The following CDH18 variants were observed in gnomAD, a reference collection of about 807,000 sequenced individuals.
The protein encoded by CDH18 is cadherin-18.
In CDH18, 31 loss-of-function variants were observed where a neutral mutation model predicts 67.9. That is an observed-to-expected ratio of 0.46 (90% confidence interval 0.34 to 0.62). CDH18 has a LOEUF of 0.62. Ranked by LOEUF, CDH18 falls within the 20% of genes least tolerant of loss-of-function variation. The pLI is 0.01. For synonymous variants in CDH18, 362 were observed against 347.2 expected (o/e 1.04, Z -0.48); for missense variants, 890 against 975.5 (o/e 0.91, Z 1.17).
chr5:20,248,429 G>A (rs1364341297), intron 2 of CDH18, among the ~76,000 whole-genome samples: 1 of 152,144 alleles, frequency 6.6e-6, no homozygotes, highest in African/African-American at 2.4e-5. Flanking sequence ...ATGTGACAAG[G>A]GAAAACGTTC....
intron 1 of CDH18, among the ~76,000 whole-genome samples, chr5:20,404,370 T>A (rs976682699): frequency 6.6e-6 from 1 of 152,214 alleles, no homozygotes; most frequent in African/African-American, 2.4e-5. Context: ...TAGCTTTGGG[T>A]CTGTCTTGTC....
At chr5:19,983,211 G>T (rs1240638986) in intron 1 of CDH18, among the ~76,000 whole-genome samples, 1 of 151,834 alleles carries the variant, frequency 6.6e-6, no homozygotes, top group Non-Finnish European at 1.5e-5. Flanking sequence ...TTAATATCAG[G>T]TAGACTGAAA....
At chr5:19,744,824 C>A (rs1042114907) in intron 4 of CDH18, among the ~76,000 whole-genome samples, 1 of 152,106 alleles carries the variant, frequency 6.6e-6, no homozygotes, top group Non-Finnish European at 1.5e-5. Flanking sequence ...TTTTTATTCA[C>A]ACCTAATTTT....
intron 1 of CDH18, among the ~76,000 whole-genome samples, chr5:20,525,250 T>G (rs1032618391): frequency 1.1e-4 from 16 of 152,128 alleles, no homozygotes; most frequent in Admixed American, 1.3e-4. Context: ...TGAGATGCTC[T>G]TTTTGAGAAT....
intron 2 of CDH18, among the ~76,000 whole-genome samples, chr5:20,201,469 G>T (rs1016027307): frequency 1.3e-5 from 2 of 152,066 alleles, no homozygotes; most frequent in Admixed American, 6.6e-5. Flanking sequence ...TGAGCATGGG[G>T]TATTACTAAA....
intron 5 of CDH18, among the ~76,000 whole-genome samples, chr5:19,625,636 A>G (rs1428442915): frequency 1.3e-5 from 2 of 152,052 alleles, no homozygotes; most frequent in African/African-American, 2.4e-5. Context: ...CATATGTTCA[A>G]ATCATCTTTC....
rs568466688 is a variant in CDH18, at chr5:19,970,825, A to C, written c.-257+10235T>G. ...TATATAAGTGTTTAAAATAATAAAG[A>C]AGATAGAAAAAAATAGAATTTTAGT... is the stretch of plus-strand genomic sequence containing the variant. On this transcript the variant is annotated intron_variant, in intron 2 of 12. Coordinates refer to ENST00000382275, the MANE Select transcript of CDH18 (RefSeq NM_004934.5). Among the ~76,000 whole-genome samples, 312 of 151,364 alleles carry C rather than the reference A, an allele frequency of 2.1e-3. 2 individuals carry two copies. Among genetic ancestry groups the C allele is most frequent in the African/African-American group, 7.1e-3 (293 of 41,452 alleles).
intron 1 of CDH18, among the ~76,000 whole-genome samples, chr5:20,453,593 A>G (rs907330893): frequency 3.4e-5 from 5 of 148,378 alleles, no homozygotes; most frequent in African/African-American, 9.9e-5. Flanking sequence ...GTGTGTGTGT[A>G]TATGTATATA....
chr5:19,760,060 A>C (rs1772133735), intron 3 of CDH18, among the ~76,000 whole-genome samples: 1 of 152,172 alleles, frequency 6.6e-6, no homozygotes, highest in African/African-American at 2.4e-5. Flanking sequence ...GCTCTACGCG[A>C]GTCACACTAT....
chr5:20,161,446 AAGCC>A (rs1735885555), intron 2 of CDH18, among the ~76,000 whole-genome samples: 1 of 152,188 alleles, frequency 6.6e-6, no homozygotes, highest in African/African-American at 2.4e-5. Flanking sequence ...CTCACTGAAC[AAGCC>A]AGGAAAAATT....
At chr5:20,327,078 A>G (rs954178083) in intron 1 of CDH18, among the ~76,000 whole-genome samples, 1 of 152,136 alleles carries the variant, frequency 6.6e-6, no homozygotes, top group African/African-American at 2.4e-5. Context: ...TTTAAATTAA[A>G]ATTCAGGGAG....
In CDH18 at chr5:20,323,712, A is replaced by G. The variant is rs78824664; in HGVS notation, c.-579-68207T>C. Among the ~76,000 whole-genome samples, 889 of 152,334 alleles carry G rather than the reference A, an allele frequency of 5.8e-3. 5 individuals carry two copies. Among genetic ancestry groups the G allele is most frequent in the South Asian group, 0.027 (129 of 4,832 alleles). Reference sequence around the variant, plus strand: ...AAACTATCTTAGTTCTTTTGCATTTATGCATTTGAAGTGTGATGCATTTTG... The same window carrying G: ...AAACTATCTTAGTTCTTTTGCATTTGTGCATTTGAAGTGTGATGCATTTTG... On this transcript the variant is annotated intron_variant, in intron 1 of 14. Coordinates refer to the CDH18 transcript ENST00000507958.
At chr5:20,102,215 AGTGTGTGTGT>A (rs56036253) in intron 2 of CDH18, among the ~76,000 whole-genome samples, 4,336 of 147,858 alleles carry the variant, frequency 0.029, 72 homozygotes, top group Admixed American at 0.055. Flanking sequence ...TGTTATGTGC[AGTGTGTGTGT>A]GTGTGTGTGT....
At chr5:19,781,175 T>C (rs1267246043) in intron 3 of CDH18, among the ~76,000 whole-genome samples, 1 of 152,126 alleles carries the variant, frequency 6.6e-6, no homozygotes, top group Non-Finnish European at 1.5e-5. Flanking sequence ...AAGTAAATCA[T>C]GTATCATTCA....
intron 5 of CDH18, among the ~76,000 whole-genome samples, chr5:19,719,953 G>GAAAGAAAGAAAGAAAGAAAGAA (rs1423128239): frequency 2.7e-5 from 4 of 149,948 alleles, no homozygotes; most frequent in African/African-American, 9.9e-5. Context: ...AAGAAAGAAA[G>GAAAGAAAGAAAGAAAGAAAGAA]AAAGAAGGAA....
chr5:19,814,409 A>T (rs1581471688), intron 3 of CDH18, among the ~76,000 whole-genome samples: 2 of 152,124 alleles, frequency 1.3e-5, no homozygotes. Context: ...ATACAAATGC[A>T]ATATACACAT....
intron 2 of CDH18, among the ~76,000 whole-genome samples, chr5:20,056,628 A>G (rs1356472209): frequency 6.8e-6 from 1 of 146,104 alleles, no homozygotes; most frequent in Non-Finnish European, 1.5e-5. Context: ...TTTTCTACCC[A>G]CAGTTGCTGA....
chr5:20,231,611 AAAAAG>A (rs534468710), intron 2 of CDH18, among the ~76,000 whole-genome samples: 1,565 of 151,974 alleles, frequency 0.01, 14 homozygotes, highest in African/African-American at 0.012. Context: ...AAAAAGAAAA[AAAAAG>A]AAAAGAAAAG....
chr5:19,525,907 T>C (rs915854908), intron 9 of CDH18, among the ~76,000 whole-genome samples: 9 of 152,202 alleles, frequency 5.9e-5, no homozygotes, highest in Non-Finnish European at 1.0e-4. Context: ...AAAGCACTAT[T>C]TCTATTATTG....
Sources: gnomAD v4.1 joint callset for allele counts (sites outside exome capture counted in the v4.1 genomes callset) on GRCh38, gnomAD v4.1.1 for gene constraint, MANE v1.5 for transcripts, NCBI Gene and HGNC (gene_info 2026-07-23, HGNC 2026-07-21) for gene names.